KDM4C: variants seen among roughly 807,000 people sequenced by gnomAD.
KDM4C encodes lysine-specific demethylase 4C.
In KDM4C, 81 loss-of-function variants were observed where a neutral mutation model predicts 129.3. The ratio of observed to expected loss-of-function variants is 0.63; its 90% confidence interval spans 0.52 to 0.75. KDM4C has a LOEUF of 0.75. Among genes scored for constraint, KDM4C ranks in the 30% least tolerant of loss-of-function variants. The pLI is 0.00. For synonymous variants in KDM4C, 573 were observed against 456.1 expected (o/e 1.26, Z -3.26); for missense variants, 1,457 against 1,304.0 (o/e 1.12, Z -1.81).
At chr9:7,074,988 G>C (rs1322244404) in intron 17 of KDM4C, among the ~76,000 whole-genome samples, 1 of 152,148 alleles carries the variant, frequency 6.6e-6, no homozygotes, top group African/African-American at 2.4e-5. Context: ...TCATCCTTGA[G>C]AATGATGAAC....
intron 8 of KDM4C, among the ~76,000 whole-genome samples, chr9:6,905,578 C>A (rs752340817): frequency 6.6e-6 from 1 of 152,154 alleles, no homozygotes; most frequent in African/African-American, 2.4e-5. Flanking sequence ...ATCCTAAGCC[C>A]TAAAATGATT....
At chr9:7,106,240 T>G (rs1176097464) in intron 18 of KDM4C, among the ~76,000 whole-genome samples, 1 of 152,228 alleles carries the variant, frequency 6.6e-6, no homozygotes, top group African/African-American at 2.4e-5. Context: ...AAATGTTCTT[T>G]CCTTATCAAG....
At chr9:6,954,250 C>T (rs1828681343) in intron 8 of KDM4C, among the ~76,000 whole-genome samples, 1 of 152,142 alleles carries the variant, frequency 6.6e-6, no homozygotes, top group African/African-American at 2.4e-5. Context: ...ACTTTCTCCT[C>T]TTTTCTCCTG....
Position 6,933,171 on chromosome 9 carries a change from A to G in KDM4C, c.921+39939A>G, listed in dbSNP as rs146218925. Reference sequence around the variant, plus strand: ...TAGCATAAATTGAATCAGCTTTTCTATTGGACATTCTGGAATTTTTCTATG... The same window carrying G: ...TAGCATAAATTGAATCAGCTTTTCTGTTGGACATTCTGGAATTTTTCTATG... On this transcript the variant is annotated intron_variant, in intron 8 of 21. Coordinates refer to ENST00000381309, the MANE Select transcript of KDM4C (RefSeq NM_015061.6). Among the ~76,000 whole-genome samples the G allele has an allele frequency of 6.4e-3, 970 of 152,330 alleles. 14 individuals carry two copies. The highest frequency in any genetic ancestry group is 0.022 in the African/African-American group (931 of 41,562).
At chr9:6,730,231 A>T (rs1175668927) in intron 1 of KDM4C, among the ~76,000 whole-genome samples, 4 of 152,186 alleles carry the variant, frequency 2.6e-5, no homozygotes, top group Non-Finnish European at 5.9e-5. Flanking sequence ...TCCTGATCCT[A>T]ATTTCCTGGA....
At chr9:7,120,979 A>G (rs1213609637) in intron 18 of KDM4C, among the ~76,000 whole-genome samples, 1 of 152,250 alleles carries the variant, frequency 6.6e-6, no homozygotes, top group Admixed American at 6.5e-5. Context: ...TATTAAATAT[A>G]TAATCCATGA....
At chr9:6,969,686 G>T (rs766692203) in intron 8 of KDM4C, among the ~76,000 whole-genome samples, 1 of 152,238 alleles carries the variant, frequency 6.6e-6, no homozygotes, top group Non-Finnish European at 1.5e-5. Context: ...GGTTTCAACC[G>T]TAGATGCATT....
intron 17 of KDM4C, among the ~76,000 whole-genome samples, chr9:7,079,922 A>G (rs771500046): frequency 2.0e-5 from 3 of 152,058 alleles, no homozygotes; most frequent in Non-Finnish European, 2.9e-5. Flanking sequence ...CTTTCCCACA[A>G]CTTCTTTTGC....
chr9:7,001,007 G>A (rs184375617), intron 12 of KDM4C, among the ~76,000 whole-genome samples: 1 of 152,304 alleles, frequency 6.6e-6, no homozygotes, highest in East Asian at 1.9e-4. Context: ...ATTTGTGCAC[G>A]TTGGTCATGG....
At chr9:6,976,481 A>G (rs774935761) in intron 8 of KDM4C, among the ~76,000 whole-genome samples, 14 of 152,218 alleles carry the variant, frequency 9.2e-5, no homozygotes, top group Non-Finnish European at 2.1e-4. Context: ...AATAACATAT[A>G]AACTGTTGGG....
upstream of KDM4C, chr9:6,757,771 C>A: frequency 2.0e-6 from 2 of 985,594 alleles, no homozygotes; most frequent in Non-Finnish European, 2.4e-6. Context: ...ACGCGAGTAT[C>A]TTTCCCCTCC....
chr9:6,751,834 A>C (rs1240350969), intron 1 of KDM4C, among the ~76,000 whole-genome samples: 1 of 152,216 alleles, frequency 6.6e-6, no homozygotes, highest in Non-Finnish European at 1.5e-5. Context: ...AGTAGAAAAG[A>C]AAAATCAGAG....
At chr9:7,012,767 G>T (rs1307164563) in intron 13 of KDM4C, among the ~76,000 whole-genome samples, 3 of 152,100 alleles carry the variant, frequency 2.0e-5, no homozygotes, top group Non-Finnish European at 4.4e-5. Context: ...GAACTATGTG[G>T]TTCATTTTAA....
At chr9:7,081,161 A>G (rs1285650965) in intron 17 of KDM4C, among the ~76,000 whole-genome samples, 1 of 152,216 alleles carries the variant, frequency 6.6e-6, no homozygotes, top group African/African-American at 2.4e-5. Context: ...GAGGGGGATT[A>G]CTTCACTTAA....
intron 15 of KDM4C, among the ~76,000 whole-genome samples, chr9:7,044,259 C>T (rs1011897687): frequency 1.3e-5 from 2 of 151,810 alleles, no homozygotes; most frequent in African/African-American, 4.8e-5. Context: ...TGATGAATGG[C>T]GCAGGCTGGC....
At chr9:7,082,985 C>T (rs1834711283) in intron 17 of KDM4C, among the ~76,000 whole-genome samples, 1 of 152,140 alleles carries the variant, frequency 6.6e-6, no homozygotes. Flanking sequence ...GATGGACCTG[C>T]AGTTTCTCTA....
chr9:6,819,387 T>C (rs1272714215), intron 4 of KDM4C, among the ~76,000 whole-genome samples: 1 of 152,352 alleles, frequency 6.6e-6, no homozygotes. Context: ...TAAAATCCAA[T>C]GAACAAAATC....
At chr9:7,011,258 G>T (rs531281781) in intron 12 of KDM4C, among the ~76,000 whole-genome samples, 1 of 152,144 alleles carries the variant, frequency 6.6e-6, no homozygotes, top group Non-Finnish European at 1.5e-5. Flanking sequence ...CTTTTATTGA[G>T]CCATGTACTA....
chr9:7,083,710 G>GGTGTGTGTGTGTGTGTGT (rs1257662179), intron 17 of KDM4C, among the ~76,000 whole-genome samples: 36 of 65,528 alleles, frequency 5.5e-4, no homozygotes, highest in East Asian at 2.5e-3. Flanking sequence ...GCACATGACT[G>GGTGTGTGTGTGTGTGTGT]ATGTGTGTGT....
Sources: gnomAD v4.1 joint callset for allele counts (sites outside exome capture counted in the v4.1 genomes callset) on GRCh38, gnomAD v4.1.1 for gene constraint, MANE v1.5 for transcripts, NCBI Gene and HGNC (gene_info 2026-07-23, HGNC 2026-07-21) for gene names.